Variants in COL6A6 observed in about 807,000 individuals in gnomAD.
The protein encoded by COL6A6 is collagen type VI alpha 6 chain.
In COL6A6, 183 loss-of-function variants were observed where a neutral mutation model predicts 208.6. That is an observed-to-expected ratio of 0.88 (90% confidence interval 0.78 to 0.99). The LOEUF (loss-of-function observed/expected upper bound fraction) is 0.99. Ranked by LOEUF, COL6A6 falls within the 50% of genes least tolerant of loss-of-function variation. The pLI is 0.00. For synonymous variants in COL6A6, 973 were observed against 1,011.8 expected (o/e 0.96, Z 0.73); for missense variants, 2,816 against 2,815.2 (o/e 1.00, Z -0.01).
chr3:130,613,210 C>T (rs968185506), intron 23 of COL6A6, among the ~76,000 whole-genome samples: 1 of 152,112 alleles, frequency 6.6e-6, no homozygotes, highest in Non-Finnish European at 1.5e-5. Flanking sequence ...AGGAAGGGGC[C>T]CAGTTTCAAT....
chr3:130,530,117 G>C (rs1156438904), intron 1 of COL6A6, among the ~76,000 whole-genome samples: 1 of 152,232 alleles, frequency 6.6e-6, no homozygotes, highest in South Asian at 2.1e-4. Flanking sequence ...TCCAGTGTGA[G>C]GATCACAGGT....
At chr3:130,641,606 A>T (rs1235783391) in intron 28 of COL6A6, 46 bp from the exon 29 acceptor site, 1 of 963,532 alleles carries the variant, frequency 1.0e-6, no homozygotes, top group Admixed American at 2.2e-5. Flanking sequence ...ACACACACAC[A>T]TACATATATG....
intron 26 of COL6A6, among the ~76,000 whole-genome samples, chr3:130,634,234 T>TAAAA (rs2065035952): frequency 7.9e-5 from 1 of 12,626 alleles, no homozygotes; most frequent in African/African-American, 1.7e-3. Context: ...AATAAATAAA[T>TAAAA]AAATAAATAA....
At chr3:130,609,985 G>A (rs1283025702) in intron 22 of COL6A6, among the ~76,000 whole-genome samples, 1 of 142,892 alleles carries the variant, frequency 7.0e-6, no homozygotes, top group East Asian at 2.0e-4. Flanking sequence ...TAACCTTCAA[G>A]CGAGAAATAG....
chr3:130,522,662 C>T (rs1388248016), intron 1 of COL6A6, among the ~76,000 whole-genome samples: 1 of 152,140 alleles, frequency 6.6e-6, no homozygotes, highest in Non-Finnish European at 1.5e-5. Flanking sequence ...CCAAATGGTA[C>T]TCATTATCTT....
intron 33 of COL6A6, among the ~76,000 whole-genome samples, chr3:130,651,834 CCACT>C (rs1188955196): frequency 1.3e-5 from 2 of 152,188 alleles, no homozygotes; most frequent in African/African-American, 2.4e-5. Context: ...TTCCACTCAC[CCACT>C]CAAAGGTGTG....
At chr3:130,545,599 G>A (rs1184261460) in intron 1 of COL6A6, among the ~76,000 whole-genome samples, 9 of 146,998 alleles carry the variant, frequency 6.1e-5, no homozygotes, top group Non-Finnish European at 3.0e-5. Context: ...GACTACAGAT[G>A]CCTGCCACCA....
At position 130,649,478 on chromosome 3, in the gene COL6A6, G is replaced by A. The variant is rs904511698; in HGVS notation, c.5649G>A (p.Thr1883=). Residue 1883 remains threonine (T), a synonymous_variant, in exon 33 of 37, where the codon ACG becomes ACA. Transcript: ENST00000358511. ...CCGCGGATGCCCACTCCATCACCAC[G>A]GCTGCCATGGAGTTCGGCGCGCTTG... ...GQSADAHSIT[T]AAMEFGALEI... 6.2e-7 allele frequency: 1 copy of A among 1,610,690 alleles called. No homozygotes were observed. The highest frequency in any genetic ancestry group is 2.2e-5 in the East Asian group (1 of 44,736).
rs760572256 is a variant in COL6A6, at chr3:130,593,119, G to C, written c.4416+14G>C. The C allele has an allele frequency of 2.5e-6, 4 of 1,613,120 alleles. No individual in the cohort carries two copies. The highest frequency in any genetic ancestry group is 3.4e-6 in the Non-Finnish European group (4 of 1,179,118). On this transcript the variant is annotated intron_variant, in intron 16 of 36. Transcript: ENST00000358511. ...AACGGAGAACAGGTAGAGCCTTCTTGTACCATAGAGACCCTTCTGAGCTAT... is the reference window on the plus strand; with the variant it reads ...AACGGAGAACAGGTAGAGCCTTCTTCTACCATAGAGACCCTTCTGAGCTAT...
chr3:130,642,786 G>A (rs771022390), intron 29 of COL6A6, 46 bp from the exon 30 acceptor site: 10 of 1,567,978 alleles, frequency 6.4e-6, no homozygotes, highest in Non-Finnish European at 8.7e-6. Flanking sequence ...GGCTACTGAT[G>A]TGTATGTCTA....
At chr3:130,588,626 A>G (rs2063597038) in intron 11 of COL6A6, among the ~76,000 whole-genome samples, 1 of 152,198 alleles carries the variant, frequency 6.6e-6, no homozygotes, top group African/African-American at 2.4e-5. Flanking sequence ...GACATGTTAC[A>G]TTGGGCACTG....
intron 36 of COL6A6, among the ~76,000 whole-genome samples, chr3:130,673,010 CAA>C (rs57517362): frequency 5.1e-4 from 49 of 96,288 alleles, no homozygotes; most frequent in African/African-American, 9.3e-4. Flanking sequence ...GACACCATCT[CAA>C]AAAAAAAAAA....
chr3:130,540,719 C>A (rs1202398102), intron 1 of COL6A6, among the ~76,000 whole-genome samples: 1 of 152,168 alleles, frequency 6.6e-6, no homozygotes, highest in Non-Finnish European at 1.5e-5. Flanking sequence ...CATGTGTTCT[C>A]ATCGTTCAGC....
At chr3:130,601,144 T>A (rs2064005291) in intron 20 of COL6A6, among the ~76,000 whole-genome samples, 1 of 152,208 alleles carries the variant, frequency 6.6e-6, no homozygotes, top group African/African-American at 2.4e-5. Context: ...TCTCGTTTCA[T>A]TTTGCTAGGT....
intron 11 of COL6A6, 109 bp from the exon 12 acceptor site, chr3:130,588,981 A>G: frequency 1.6e-6 from 1 of 638,696 alleles, no homozygotes; most frequent in South Asian, 2.6e-5. Flanking sequence ...TTGAATGGTG[A>G]CCAGGCTTCT....
At chr3:130,559,975 A>T (rs185987160) in intron 1 of COL6A6, among the ~76,000 whole-genome samples, 43 of 152,304 alleles carry the variant, frequency 2.8e-4, no homozygotes, top group African/African-American at 1.0e-3. Context: ...GTGTGTCCTA[A>T]CTGTGAACCC....
intron 1 of COL6A6, among the ~76,000 whole-genome samples, chr3:130,520,487 A>C (rs1338133778): frequency 6.6e-6 from 1 of 152,224 alleles, no homozygotes; most frequent in African/African-American, 2.4e-5. Flanking sequence ...AGATTACCAC[A>C]TAAAAATAGA....
intron 32 of COL6A6, among the ~76,000 whole-genome samples, chr3:130,648,735 T>G (rs2065532537): frequency 6.6e-6 from 1 of 152,236 alleles, no homozygotes; most frequent in African/African-American, 2.4e-5. Flanking sequence ...CAACAAAACT[T>G]GATACTTTTG....
At chr3:130,561,634 CTTTTTTTTTTTT>C (rs398052265) in intron 2 of COL6A6, among the ~76,000 whole-genome samples, 9 of 75,972 alleles carry the variant, frequency 1.2e-4, no homozygotes, top group Admixed American at 1.8e-4. Flanking sequence ...GTTGAATCTA[CTTTTTTTTTTTT>C]TTTTTTTTTT....
Sources: allele counts gnomAD v4.1 joint callset (sites outside exome capture counted in the v4.1 genomes callset), GRCh38; gene constraint gnomAD v4.1.1; transcripts MANE v1.5; gene names NCBI Gene and HGNC (gene_info 2026-07-23, HGNC 2026-07-21).